WDR11: variants seen among roughly 807,000 people sequenced by gnomAD.
WDR11 encodes WD repeat-containing protein 11.
In WDR11, 83 loss-of-function variants were observed where a neutral mutation model predicts 151.2. The observed-to-expected ratio is 0.55, with a 90% CI of 0.46 to 0.66. WDR11 has a LOEUF of 0.66. Ranked by LOEUF, WDR11 falls within the 30% of genes least tolerant of loss-of-function variation. The probability of loss-of-function intolerance (pLI) is 0.00; values close to 1 mark genes in which losing one functional copy is unlikely to be tolerated. For missense variants in WDR11, 1,301 were observed against 1,480.9 expected (o/e 0.88, Z 1.99); for synonymous variants, 484 against 533.1 (o/e 0.91, Z 1.27).
intron 13 of WDR11, among the ~76,000 whole-genome samples, chr10:120,883,535 T>G (rs974883957): frequency 6.6e-6 from 1 of 152,180 alleles, no homozygotes; most frequent in African/African-American, 2.4e-5. Context: ...AGGGTTTGAA[T>G]CTATGCCACT....
At position 120,865,072 on chromosome 10, in the gene WDR11, T is replaced by G; in HGVS notation, c.739T>G (p.Cys247Gly). The change falls in exon 6 of 29, where the codon TGC (cysteine) becomes GGC (glycine). Residue 247 changes from cysteine (C) to glycine (G), a missense_variant. Around this residue, in one of 3 missense-constraint regions of WDR11, gnomAD observed 692 missense variants for 762.5 expected, o/e 0.91. Coordinates refer to ENST00000263461, the MANE Select transcript of WDR11 (RefSeq NM_018117.12). ...TGCTGAATTCATAACTCTCAATGAT[T>G]GCCTTCAGTTGGCATACCTGCCTTC... Reference protein sequence around the residue: ...PSAEFITLNDCLQLAYLPSKR... With the variant: ...PSAEFITLNDGLQLAYLPSKR... 1 of 1,613,980 alleles carries G rather than the reference T, an allele frequency of 6.2e-7. No individual in the cohort carries two copies. The highest frequency in any genetic ancestry group is 1.7e-5 in the Admixed American group (1 of 60,028).
Position 120,862,725 on chromosome 10 carries a change from C to G in WDR11, c.527-10C>G. On this transcript the variant is annotated splice_polypyrimidine_tract_variant and intron_variant, in intron 4 of 28. Coordinates refer to ENST00000263461, the MANE Select transcript of WDR11 (RefSeq NM_018117.12). ...AAACTTTAATCAGAGTTTTGCTTTT[C>G]TCAATATAGTGCTTACCAGCGAGGG... 1 of 1,613,978 alleles carries G rather than the reference C, an allele frequency of 6.2e-7. No individual in the cohort carries two copies. The highest frequency in any genetic ancestry group is 8.5e-7 in the Non-Finnish European group (1 of 1,179,940).
At chr10:120,902,977 A>G (rs1316316794) in intron 22 of WDR11, 78 bp from the exon 23 acceptor site, 69 of 1,448,764 alleles carry the variant, frequency 4.8e-5, no homozygotes, top group Non-Finnish European at 6.5e-5. Flanking sequence ...ACTCCCTTCC[A>G]GTCCCTCAGT....
intron 27 of WDR11, 105 bp from the exon 28 acceptor site, chr10:120,906,671 C>T: frequency 1.9e-6 from 3 of 1,598,260 alleles, no homozygotes; most frequent in Non-Finnish European, 2.6e-6. Flanking sequence ...ATGCAGTATG[C>T]AGGTTTCCAG....
At chr10:120,906,652 T>C in intron 27 of WDR11, 124 bp from the exon 28 acceptor site, 1 of 1,571,848 alleles carries the variant, frequency 6.4e-7, no homozygotes, top group Non-Finnish European at 8.6e-7. Context: ...GAAAAGTGCT[T>C]GTATCTTAAT....
At chr10:120,875,734 A>T (rs1464204252) in intron 11 of WDR11, among the ~76,000 whole-genome samples, 2 of 151,534 alleles carry the variant, frequency 1.3e-5, no homozygotes, top group Non-Finnish European at 2.9e-5. Context: ...TGAACTCCTC[A>T]CCTCAAGTGA....
chr10:120,893,164 C>T (rs547424226), intron 19 of WDR11, among the ~76,000 whole-genome samples: 1 of 141,130 alleles, frequency 7.1e-6, no homozygotes, highest in Admixed American at 7.1e-5. Context: ...TCCCTCCCCC[C>T]TCCCTCCACC....
intron 16 of WDR11, among the ~76,000 whole-genome samples, chr10:120,887,673 A>G (rs1463282477): frequency 6.6e-6 from 1 of 152,170 alleles, no homozygotes; most frequent in Non-Finnish European, 1.5e-5. Flanking sequence ...TTGCACATTA[A>G]TGCTGGCTGT....
chr10:120,893,282 T>G (rs1026542902), intron 19 of WDR11, among the ~76,000 whole-genome samples: 102 of 151,976 alleles, frequency 6.7e-4, no homozygotes, highest in African/African-American at 2.3e-3. Context: ...TTTTGTCCTT[T>G]TGATAGTTTG....
rs1349549419 is a variant in WDR11, at chr10:120,866,614, G to T, written c.1040G>T (p.Cys347Phe). The part of the protein sequence containing the change: ...QELTYDLRSQ[C>F]DAIRVTKTVR... ...CTTACCTATGATTTACGAAGCCAGT[G>T]TGATGCAATCAGGGTGACAAAAACC... Residue 347 changes from cysteine (C) to phenylalanine (F), a missense_variant, in exon 8 of 29, where the codon TGT becomes TTT. Cys to Phe is a radical substitution (Grantham distance 205). Around this residue, in one of 3 missense-constraint regions of WDR11, gnomAD observed 692 missense variants for 762.5 expected, o/e 0.91. Transcript: ENST00000263461. 4 of 1,614,068 alleles carry T rather than the reference G, an allele frequency of 2.5e-6. No individual in the cohort carries two copies. Among genetic ancestry groups the T allele is most frequent in the Non-Finnish European group, 3.4e-6 (4 of 1,180,042 alleles).
chr10:120,907,808 CTT>C (rs33999355), intron 28 of WDR11: 6 of 138,820 alleles, frequency 4.3e-5, no homozygotes, highest in Admixed American at 7.2e-5. Flanking sequence ...TTGTGCCTGG[CTT>C]TTTTTTTTTT....
chr10:120,874,174 C>A (rs1269872701), intron 11 of WDR11, among the ~76,000 whole-genome samples: 1 of 63,188 alleles, frequency 1.6e-5, no homozygotes, highest in African/African-American at 7.6e-5. Context: ...GCGGTTTTTG[C>A]AGTTTTTTTT....
intron 11 of WDR11, among the ~76,000 whole-genome samples, chr10:120,874,226 T>G (rs1389638689): frequency 2.2e-5 from 3 of 139,510 alleles, no homozygotes; most frequent in Admixed American, 1.5e-4. Flanking sequence ...TGTTTTGTTT[T>G]GTTTTTTTTA....
intron 12 of WDR11, chr10:120,879,048 A>G (rs1019159317): frequency 6.6e-6 from 1 of 152,312 alleles, no homozygotes; most frequent in Non-Finnish European, 1.5e-5. Context: ...AAGAGTTTCA[A>G]ATTATTTTCT....
intron 2 of WDR11, among the ~76,000 whole-genome samples, chr10:120,854,278 A>C (rs1041434898): frequency 2.0e-5 from 3 of 152,154 alleles, no homozygotes; most frequent in African/African-American, 7.2e-5. Context: ...GAATCATATA[A>C]TTTGTGGTCT....
intron 19 of WDR11, among the ~76,000 whole-genome samples, chr10:120,899,652 A>G (rs1328257619): frequency 6.6e-6 from 1 of 152,046 alleles, no homozygotes; most frequent in Non-Finnish European, 1.5e-5. Context: ...GCATGGTGGC[A>G]GGTGCTTGTA....
At chr10:120,871,477 A>G (rs1846539804) in intron 10 of WDR11, 131 bp downstream of exon 10, 1 of 948,072 alleles carries the variant, frequency 1.1e-6, no homozygotes, top group Non-Finnish European at 1.6e-6. Context: ...GAAACTGTAA[A>G]TACTCATCCT....
chr10:120,908,476 TCA>T lies in WDR11; in HGVS notation c.3518-78_3518-77del. The T allele has an allele frequency of 2.0e-6, 3 of 1,493,532 alleles. No homozygotes were observed. The East Asian group carries it at 6.8e-5, about 34-fold the overall frequency. The allele number at this position is 1,493,532 out of a possible 1,614,324, so 92.5% of individuals were successfully genotyped here. A position where few individuals can be genotyped will look rare whatever the true frequency, so the allele number is the denominator to read the frequency against. On this transcript the variant is annotated intron_variant, in intron 28 of 28. Transcript: ENST00000263461. The stretch of plus-strand genomic sequence containing the variant: ...GAGCAGCCAGCAGAGCAGACGCGAC[TCA>T]CCCTTCCTGCTTCTGGGAGCCTGTG...
At position 120,908,848 on chromosome 10, in the gene WDR11, A is replaced by ATGTG; in HGVS notation, c.*138_*141dup. 5 of 851,050 alleles carry ATGTG rather than the reference A, an allele frequency of 5.9e-6. No homozygotes were observed. The highest frequency in any genetic ancestry group is 9.4e-6 in the Non-Finnish European group (5 of 529,370). 52.7% of individuals were successfully genotyped at this position (851,050 alleles called of 1,614,324 possible). A position where few individuals can be genotyped will look rare whatever the true frequency, so the allele number is the denominator to read the frequency against. ...GCTGTTTGACCACTGTTCTAAGACT[A>ATGTG]TGTGTGCCCAAAAGCACATAAGCAT... On this transcript the variant is annotated 3_prime_UTR_variant, in exon 29 of 29. Transcript: ENST00000263461.
Sources: gnomAD v4.1 joint callset for allele counts (sites outside exome capture counted in the v4.1 genomes callset) on GRCh38, gnomAD v4.1.1 for gene constraint, gnomAD v4.1.1 regional missense constraint, MANE v1.5 for transcripts, NCBI Gene and HGNC (gene_info 2026-07-23, HGNC 2026-07-21) for gene names.